ATP2A3: variants seen among roughly 807,000 people sequenced by gnomAD.
ATP2A3 encodes ATPase sarcoplasmic/endoplasmic reticulum Ca2+ transporting 3.
Under a neutral mutation model 106.8 loss-of-function variants are expected in ATP2A3, and 61 were observed. The ratio of observed to expected loss-of-function variants is 0.57; its 90% confidence interval spans 0.46 to 0.71. The LOEUF is 0.71. ATP2A3 is among the 30% of genes least tolerant of loss of function. The pLI, the probability that ATP2A3 is intolerant of heterozygous loss-of-function variation, is 0.00. For missense variants in ATP2A3, 1,201 were observed against 1,423.5 expected, an observed-to-expected ratio of 0.84 and a Z score of 2.52; for synonymous variants, 611 against 609.3, an observed-to-expected ratio of 1.00 and a Z score of -0.04.
In ATP2A3 at chr17:3,925,472, T is replaced by C; in HGVS notation, c.2981-31A>G. 2 of 1,606,918 alleles carry C rather than the reference T, an allele frequency of 1.2e-6. No individual in the cohort carries two copies. Among genetic ancestry groups the C allele is most frequent in the Non-Finnish European group, 1.7e-6 (2 of 1,177,190 alleles). On this transcript the variant is annotated intron_variant, in intron 20 of 20. Coordinates refer to ENST00000397041, the MANE Select transcript of ATP2A3 (RefSeq NM_005173.4). The surrounding 1 kb of genome is among the most constrained non-coding windows in gnomAD (Gnocchi z 4.2). ...AGAAAAACCCAAGAGCGCGTTAAGA[T>C]GTATGTGTAAGGGCACACATCCAGA...
intron 10 of ATP2A3, among the ~76,000 whole-genome samples, chr17:3,943,846 C>T (rs1188239449): frequency 9.2e-5 from 14 of 152,096 alleles, no homozygotes; most frequent in Admixed American, 9.2e-4. Context: ...TCCCTGGGGC[C>T]CTTTGCTGAG....
chr17:3,943,522 C>T lies in ATP2A3; in HGVS notation c.1288G>A (p.Ala430Thr), dbSNP rs1443559130. The T allele has an allele frequency of 3.1e-6, 5 of 1,614,028 alleles. No homozygotes were observed. The East Asian group carries it at 1.1e-4, about 36-fold the overall frequency. The change falls in exon 11 of 21, where the codon GCC becomes ACC. Residue 430 changes from alanine to threonine, a missense_variant and splice_region_variant. By Grantham distance (58) the Ala-to-Thr change is moderately conservative (BLOSUM62 0). Around this residue, in one of 2 missense-constraint regions of ATP2A3, gnomAD observed 935 missense variants for 1,176.7 expected, o/e 0.79. Transcript: ENST00000397041. Reference protein sequence around the residue: ...CNDSALDYNEAKGVYEKVGEA... With the variant: ...CNDSALDYNETKGVYEKVGEA... The stretch of plus-strand genomic sequence containing the variant: ...CCCACCTTCTCATACACACCCTTGG[C>T]CTGGCAAGGACCCAGGGGATAGGGA...
Position 3,935,535 on chromosome 17 carries a change from C to CTTTTT in ATP2A3, c.2525-263_2525-259dup, listed in dbSNP as rs10668980. On this transcript the variant is annotated intron_variant, in intron 16 of 20. Coordinates refer to ENST00000397041, the MANE Select transcript of ATP2A3 (RefSeq NM_005173.4). Reference sequence around the variant, plus strand: ...GCCAATGAGAACAGGCCTGTTGAGACTTTTTTTTTTTTTTTTTTTTGAGAC... The same window carrying CTTTTT: ...GCCAATGAGAACAGGCCTGTTGAGACTTTTTTTTTTTTTTTTTTTTTTTTTGAGAC... Among the ~76,000 whole-genome samples the CTTTTT allele has an allele frequency of 7.6e-3, 866 of 113,990 alleles. 34 individuals are homozygous for CTTTTT. The highest frequency in any genetic ancestry group is 0.028 in the African/African-American group (830 of 29,228). 74.8% of individuals were successfully genotyped at this position (113,990 alleles called of 152,430 possible). A position where few individuals can be genotyped will look rare whatever the true frequency, so the allele number is the denominator to read the frequency against.
rs1180869057 is a variant in ATP2A3, at chr17:3,937,431, A to G, written c.2306T>C (p.Val769Ala). Reference protein sequence around the residue: ...QFIRYLISSNVGEVVCIFLTA... With the variant: ...QFIRYLISSNAGEVVCIFLTA... ...CCGGCCTCACCAGACGACCTCGCCA[A>G]CATTGGAGGAGATGAGGTAGCGGAT... is the stretch of plus-strand genomic sequence containing the variant. Residue 769 changes from valine to alanine, a missense_variant, in exon 15 of 21, where the codon GTT (valine) becomes GCT (alanine). Transcript: ENST00000397041. 1 of 1,612,858 alleles carries G rather than the reference A, an allele frequency of 6.2e-7. No individual in the cohort carries two copies.
Position 3,947,563 on chromosome 17 carries a change from G to C in ATP2A3, c.923C>G (p.Pro308Arg). ...IAVALAVAAI[P>R]EGLPAVITTC... ...AGTGATGACAGCCGGGAGGCCCTCG[G>C]GGATGGCCGCCACCGCCAGGGCCAC... Residue 308 changes from proline to arginine, a missense_variant, in exon 8 of 21, where the codon CCC becomes CGC. Pro to Arg is a moderately radical substitution (Grantham distance 103, BLOSUM62 -2). Transcript: ENST00000397041. The surrounding 1 kb of genome is among the most constrained non-coding windows in gnomAD (Gnocchi z 7.7). 1 of 1,612,942 alleles carries C rather than the reference G, an allele frequency of 6.2e-7. No homozygotes were observed. Among genetic ancestry groups the C allele is most frequent in the Non-Finnish European group, 8.5e-7 (1 of 1,179,920 alleles).
At position 3,945,159 on chromosome 17, in the gene ATP2A3, C is replaced by T. The variant is rs1261615371; in HGVS notation, c.1096-11G>A. On this transcript the variant is annotated splice_polypyrimidine_tract_variant and intron_variant, in intron 8 of 20. Transcript: ENST00000397041. ...GGCTACCACGAACATCTGGGGAGCG[C>T]AGGGGCGTGCTTAGGCGGGCGGGGT... The T allele has an allele frequency of 2.6e-6, 4 of 1,545,806 alleles. No individual in the cohort carries two copies. The highest frequency in any genetic ancestry group is 3.5e-6 in the Non-Finnish European group (4 of 1,144,704).
intron 11 of ATP2A3, 108 bp downstream of exon 11, chr17:3,943,283 A>AC: frequency 7.9e-6 from 12 of 1,526,584 alleles, no homozygotes; most frequent in Non-Finnish European, 1.1e-5. Context: ...AAAAAAAAAA[A>AC]AAACAAAACG....
intron 14 of ATP2A3, among the ~76,000 whole-genome samples, chr17:3,940,043 G>GT (rs1294599615): frequency 0.17 from 14,821 of 86,722 alleles, 1,325 homozygotes; most frequent in Non-Finnish European, 0.22. Flanking sequence ...TTTTTTTTTT[G>GT]TTTTTTGTTT....
intron 1 of ATP2A3, among the ~76,000 whole-genome samples, chr17:3,963,318 A>C (rs2055242012): frequency 6.6e-6 from 1 of 152,240 alleles, no homozygotes; most frequent in South Asian, 2.1e-4. Flanking sequence ...TGCTGCGGGC[A>C]TGAGCAAGGG....
At chr17:3,945,750 G>C (rs2054078477) in intron 8 of ATP2A3, among the ~76,000 whole-genome samples, 1 of 152,210 alleles carries the variant, frequency 6.6e-6, no homozygotes. Flanking sequence ...TGTTCAGCCA[G>C]CTCTGCTGGG....
At chr17:3,960,507 T>C (rs990026489) in intron 1 of ATP2A3, among the ~76,000 whole-genome samples, 23 of 152,324 alleles carry the variant, frequency 1.5e-4, no homozygotes, top group Non-Finnish European at 2.6e-4. Flanking sequence ...TGCCCGACTC[T>C]CAGGTCACTG....
intron 15 of ATP2A3, 99 bp downstream of exon 15, chr17:3,937,317 C>T: frequency 7.3e-7 from 1 of 1,368,678 alleles, no homozygotes; most frequent in Non-Finnish European, 1.0e-6. Flanking sequence ...GGCACAGGCC[C>T]CTCCATCCCT....
chr17:3,961,937 C>T (rs571556350), intron 1 of ATP2A3, among the ~76,000 whole-genome samples: 3 of 152,286 alleles, frequency 2.0e-5, no homozygotes, highest in East Asian at 3.9e-4. Context: ...AGCTCCACCC[C>T]AGCAGCTGTG....
intron 1 of ATP2A3, among the ~76,000 whole-genome samples, chr17:3,958,807 C>CACACACATATATATACACAT (rs1567726634): frequency 1.5e-4 from 12 of 81,618 alleles, no homozygotes; most frequent in Middle Eastern, 6.8e-3. Context: ...TATATACACA[C>CACACACATATATATACACAT]ATATATATAT....
rs1011036784 is a variant in ATP2A3, at chr17:3,944,546, A to G, written c.1287+158T>C. 6.6e-5 allele frequency among the ~76,000 whole-genome samples: 10 copies of G among 152,070 alleles called. 1 individual carries two copies. Among genetic ancestry groups the G allele is most frequent in the African/African-American group, 2.4e-4 (10 of 41,474 alleles). On this transcript the variant is annotated intron_variant, in intron 10 of 20. Transcript: ENST00000397041. ...TTCTGAAGCCTGTCTGCGGAAAGGG[A>G]GGGGCGGCAGAGAGGGGTGTGCAGG...
At position 3,937,156 on chromosome 17, in the gene ATP2A3, G is replaced by A. The variant is rs73971758; in HGVS notation, c.2321+260C>T. 3.5e-4 allele frequency: 190 copies of A among 541,984 alleles called. 1 individual carries two copies. The highest frequency in any genetic ancestry group is 3.2e-3 in the African/African-American group (169 of 52,836). 33.6% of individuals were successfully genotyped at this position (541,984 alleles called of 1,614,324 possible). On this transcript the variant is annotated intron_variant, in intron 15 of 20. Transcript: ENST00000397041. ...GCTAATCTGCAAGTGGGAAGTTCATGGCTGGAGGGCTGACAGGCGACTCTT... is the reference window on the plus strand; with the variant it reads ...GCTAATCTGCAAGTGGGAAGTTCATAGCTGGAGGGCTGACAGGCGACTCTT...
At chr17:3,945,802 C>T (rs1188716585) in intron 8 of ATP2A3, among the ~76,000 whole-genome samples, 1 of 152,202 alleles carries the variant, frequency 6.6e-6, no homozygotes, top group Non-Finnish European at 1.5e-5. Context: ...ACCGCACATT[C>T]TCAAGCAAAT....
intron 10 of ATP2A3, 66 bp downstream of exon 10, chr17:3,944,638 G>T: frequency 1.3e-6 from 2 of 1,538,032 alleles, no homozygotes; most frequent in South Asian, 1.2e-5. Flanking sequence ...GAGCTTTGAG[G>T]CTGGGAAAAG....
rs1197354550 is a variant in ATP2A3 at position 3,943,424 on chromosome 17, C to T, written c.1386G>A (p.Leu462=). Residue 462 remains leucine, a synonymous_variant, in exon 11 of 21, where the codon CTG becomes CTA. Transcript: ENST00000397041. ...MNVFDTDLQA[L]SRVERAGACN... is the part of the protein sequence containing the mutation. ...AGGCGCCAGCTCGCTCCACCCGGGA[C>T]AGAGCCTGCAGGTCGGTGTCGAACA... 1 of 1,614,178 alleles carries T rather than the reference C, an allele frequency of 6.2e-7. No individual in the cohort carries two copies. The highest frequency in any genetic ancestry group is 1.7e-5 in the Admixed American group (1 of 60,030).
Sources: allele counts gnomAD v4.1 joint callset (sites outside exome capture counted in the v4.1 genomes callset), GRCh38; gene constraint gnomAD v4.1.1; regional missense constraint gnomAD v4.1.1; non-coding constraint Gnocchi (gnomAD v3.1); transcripts MANE v1.5; gene names NCBI Gene and HGNC (gene_info 2026-07-23, HGNC 2026-07-21).